The following KIRREL3 variants were observed in gnomAD, a reference collection of about 807,000 sequenced individuals.
The protein encoded by KIRREL3 is kirre like nephrin family adhesion molecule 3, also known as kin of IRRE-like protein 3.
A neutral mutation model predicts 89.7 loss-of-function variants in KIRREL3; 36 were observed. That is an observed-to-expected ratio of 0.40 (90% CI 0.31 to 0.53). KIRREL3 has a LOEUF of 0.53. Ranked by LOEUF, KIRREL3 falls within the 20% of genes least tolerant of loss-of-function variation. The probability of loss-of-function intolerance (pLI) is 0.49; values close to 1 mark genes in which losing one functional copy is unlikely to be tolerated. For synonymous variants in KIRREL3, 445 were observed against 441.4 expected, an observed-to-expected ratio of 1.01 and a Z score of -0.10; for missense variants, 864 against 1,056.6, an observed-to-expected ratio of 0.82 and a Z score of 2.53.
chr11:126,925,824 A>C (rs1947690253), intron 1 of KIRREL3, among the ~76,000 whole-genome samples: 1 of 152,140 alleles, frequency 6.6e-6, no homozygotes, highest in African/African-American at 2.4e-5. Context: ...GGCCTTCTCC[A>C]TCCTCTCCTG....
rs568355312 is a variant in KIRREL3 at position 126,595,279 on chromosome 11, G to T, written c.56-32367C>A. ...CTCTCCAGCCTGGCTCTGGAGAAAT[G>T]CAGTCAGCCTCCCCTCCAGCCTGGC... On this transcript the variant is annotated intron_variant, in intron 1 of 16. Coordinates refer to ENST00000525144, the MANE Select transcript of KIRREL3 (RefSeq NM_032531.4). Among the ~76,000 whole-genome samples, 28 of 152,310 alleles carry T rather than the reference G, an allele frequency of 1.8e-4. No homozygotes were observed. In the South Asian group the frequency reaches 5.8e-3, roughly 32 times the overall value.
chr11:126,998,000 G>A lies in KIRREL3; in HGVS notation c.55+2455C>T, dbSNP rs1207068090. Among the ~76,000 whole-genome samples, 2 of 152,058 alleles carry A rather than the reference G, an allele frequency of 1.3e-5. No individual in the cohort carries two copies. The highest frequency in any genetic ancestry group is 1.9e-4 in the East Asian group (1 of 5,180). The stretch of plus-strand genomic sequence containing the variant: ...AGGTGGCTGTGTGAGGGTGCCGGGT[G>A]GGGGGGTGTAACCTCAGGCCTCATT... On this transcript the variant is annotated intron_variant, in intron 1 of 16. Coordinates refer to ENST00000525144, the MANE Select transcript of KIRREL3 (RefSeq NM_032531.4). This position sits in a 1 kb window ranked among gnomAD's most constrained non-coding sequence, Gnocchi z 4.3.
In KIRREL3 at chr11:126,607,191, C is replaced by T. The variant is rs1942925566; in HGVS notation, c.56-44279G>A. Among the ~76,000 whole-genome samples the T allele has an allele frequency of 6.6e-6, 1 of 152,150 alleles. No individual in the cohort carries two copies. On this transcript the variant is annotated intron_variant, in intron 1 of 16. Transcript: ENST00000525144. The surrounding 1 kb of genome is among the most constrained non-coding windows in gnomAD (Gnocchi z 6.6). ...GGAAAATACCTGGGGGCTTCCACTC[C>T]CTAAACCCAGGGAAACGATGGAGTA...
chr11:126,631,434 T>C (rs1944021530), intron 1 of KIRREL3, among the ~76,000 whole-genome samples: 1 of 152,174 alleles, frequency 6.6e-6, no homozygotes, highest in Non-Finnish European at 1.5e-5. Context: ...AAGTTGTTCA[T>C]ATGCAGAATC....
chr11:126,573,854 G>T lies in KIRREL3; in HGVS notation c.56-10942C>A, dbSNP rs146021271. Among the ~76,000 whole-genome samples the T allele has an allele frequency of 5.9e-5, 9 of 152,254 alleles. No homozygotes were observed. The East Asian group carries it at 1.7e-3, about 29-fold the overall frequency. Reference sequence around the variant, plus strand: ...GAGACCACAGGGTGGCAGCAGATCCGCGGGGGGACCTCTTGCTGGGGGGAT... The same window carrying T: ...GAGACCACAGGGTGGCAGCAGATCCTCGGGGGGACCTCTTGCTGGGGGGAT... On this transcript the variant is annotated intron_variant, in intron 1 of 16. Coordinates refer to ENST00000525144, the MANE Select transcript of KIRREL3 (RefSeq NM_032531.4).
chr11:126,840,591 T>C (rs1943931580), intron 1 of KIRREL3, among the ~76,000 whole-genome samples: 1 of 152,166 alleles, frequency 6.6e-6, no homozygotes, highest in Non-Finnish European at 1.5e-5. Flanking sequence ...ACTGAAAATA[T>C]ATGTGGGAAA....
chr11:126,440,088 C>A (rs555789347), intron 11 of KIRREL3: 4 of 446,222 alleles, frequency 9.0e-6, no homozygotes, highest in African/African-American at 2.0e-5. Context: ...CTATTACCTG[C>A]GCTCTAAGAT....
chr11:126,556,073 A>G (rs1415124353), intron 2 of KIRREL3, among the ~76,000 whole-genome samples: 4 of 152,140 alleles, frequency 2.6e-5, no homozygotes, highest in East Asian at 1.9e-4. Flanking sequence ...CCATTGAAAT[A>G]TTTTCAAAAG....
chr11:126,547,665 G>A (rs972986048), intron 2 of KIRREL3, among the ~76,000 whole-genome samples: 3 of 152,192 alleles, frequency 2.0e-5, no homozygotes, highest in Non-Finnish European at 4.4e-5. Context: ...GCCCATATCT[G>A]GGGCAGGATC....
rs1054527080 is a variant in KIRREL3, at chr11:126,513,769, G to A, written c.433+7546C>T. ...CAGGAGGGCAGGGCTGGGGCGACCC[G>A]CACACCTCAACTCAATGGCTGCAAG... is the stretch of plus-strand genomic sequence containing the variant. On this transcript the variant is annotated intron_variant, in intron 4 of 16. Transcript: ENST00000525144. This position sits in a 1 kb window ranked among gnomAD's most constrained non-coding sequence, Gnocchi z 5.9. Among the ~76,000 whole-genome samples, 16 of 152,106 alleles carry A rather than the reference G, an allele frequency of 1.1e-4. No individual in the cohort carries two copies. Among genetic ancestry groups the A allele is most frequent in the African/African-American group, 2.9e-4 (12 of 41,418 alleles).
chr11:126,972,661 T>G (rs906535739), intron 1 of KIRREL3, among the ~76,000 whole-genome samples: 1 of 152,180 alleles, frequency 6.6e-6, no homozygotes, highest in African/African-American at 2.4e-5. Flanking sequence ...CCCAATGTTG[T>G]TTTCCATTTA....
In KIRREL3 at chr11:126,569,860, C is replaced by T. The variant is rs186375681; in HGVS notation, c.56-6948G>A. On this transcript the variant is annotated intron_variant, in intron 1 of 16. Coordinates refer to ENST00000525144, the MANE Select transcript of KIRREL3 (RefSeq NM_032531.4). This position sits in a 1 kb window ranked among gnomAD's most constrained non-coding sequence, Gnocchi z 6.5. The stretch of plus-strand genomic sequence containing the variant: ...CAATAGCCATCAGTAGCCATTCTGC[C>T]CAGCGATGCCATTCTGATTGCAGAA... Among the ~76,000 whole-genome samples, 1 of 152,156 alleles carries T rather than the reference C, an allele frequency of 6.6e-6. No individual in the cohort carries two copies. The highest frequency in any genetic ancestry group is 2.4e-5 in the African/African-American group (1 of 41,504).
Position 126,627,042 on chromosome 11 carries a change from T to C in KIRREL3, c.56-64130A>G, listed in dbSNP as rs541762313. On this transcript the variant is annotated intron_variant, in intron 1 of 16. Transcript: ENST00000525144. This position sits in a 1 kb window ranked among gnomAD's most constrained non-coding sequence, Gnocchi z 5.0. ...AAAAAAAAAAGAATAACCACAGTTT[T>C]GAAGCCTCAAAGGAAGGTGTGTGTG... 7.9e-5 allele frequency among the ~76,000 whole-genome samples: 12 copies of C among 152,096 alleles called. No homozygotes were observed. The highest frequency in any genetic ancestry group is 1.3e-4 in the Non-Finnish European group (9 of 67,966).
At chr11:126,692,771 A>G (rs1243046745) in intron 1 of KIRREL3, among the ~76,000 whole-genome samples, 1 of 152,208 alleles carries the variant, frequency 6.6e-6, no homozygotes, top group African/African-American at 2.4e-5. Flanking sequence ...CTTCACATCT[A>G]TGAGGGTCTA....
chr11:126,430,923 A>T lies in KIRREL3; in HGVS notation c.1696+496T>A. ...GCACAAACACTAGAATTTTATTGGT[A>T]ATCACTGAAGACCTTTAAAAGTTTT... On this transcript the variant is annotated intron_variant, in intron 14 of 16. Transcript: ENST00000525144. The surrounding 1 kb of genome is among the most constrained non-coding windows in gnomAD (Gnocchi z 6.6). 1 of 970,104 alleles carries T rather than the reference A, an allele frequency of 1.0e-6. No individual in the cohort carries two copies. Among genetic ancestry groups the T allele is most frequent in the Admixed American group, 5.3e-5 (1 of 18,850 alleles). The allele number at this position is 970,104 out of a possible 1,614,324, so 60.1% of individuals were successfully genotyped here.
chr11:126,966,737 G>A (rs11220679), intron 1 of KIRREL3, among the ~76,000 whole-genome samples: 2,533 of 152,204 alleles, frequency 0.017, 53 homozygotes, highest in East Asian at 0.12. Flanking sequence ...GACTTGCTCC[G>A]TGGACAGTTA....
chr11:126,869,699 C>A (rs1197976813), intron 1 of KIRREL3, among the ~76,000 whole-genome samples: 1 of 152,128 alleles, frequency 6.6e-6, no homozygotes, highest in Non-Finnish European at 1.5e-5. Flanking sequence ...ACACCCCTGA[C>A]CTCACCCCAC....
At chr11:126,930,760 C>G (rs559790596) in intron 1 of KIRREL3, among the ~76,000 whole-genome samples, 1 of 152,214 alleles carries the variant, frequency 6.6e-6, no homozygotes, top group Admixed American at 6.5e-5. Flanking sequence ...TTAGAGGGGT[C>G]TTACTAAATC....
At chr11:126,493,888 G>C (rs1957592395) in intron 4 of KIRREL3, among the ~76,000 whole-genome samples, 1 of 151,980 alleles carries the variant, frequency 6.6e-6, no homozygotes, top group Non-Finnish European at 1.5e-5. Context: ...TCCTTTCCTG[G>C]TTCAGGCTGG....
Sources: allele counts gnomAD v4.1 joint callset (sites outside exome capture counted in the v4.1 genomes callset), GRCh38; gene constraint gnomAD v4.1.1; non-coding constraint Gnocchi (gnomAD v3.1); transcripts MANE v1.5; gene names NCBI Gene and HGNC (gene_info 2026-07-23, HGNC 2026-07-21).